The following ZNF804A variants were observed in gnomAD, a reference collection of about 807,000 sequenced individuals.
ZNF804A encodes zinc finger protein 804A.
A neutral mutation model predicts 16.5 loss-of-function variants in ZNF804A; 2 were observed. The observed-to-expected ratio is 0.12, with a 90% CI of 0.05 to 0.38. The LOEUF (loss-of-function observed/expected upper bound fraction) is 0.38. Among genes scored for constraint, ZNF804A ranks in the 10% least tolerant of loss-of-function variants. The probability of loss-of-function intolerance (pLI) is 0.99; values close to 1 mark genes in which losing one functional copy is unlikely to be tolerated. For synonymous variants in ZNF804A, 534 were observed against 489.6 expected (o/e 1.09, Z -1.20); for missense variants, 1,473 against 1,390.7 (o/e 1.06, Z -0.94).
chr2:184,861,767 T>C (rs1011294264), intron 1 of ZNF804A, among the ~76,000 whole-genome samples: 1 of 152,186 alleles, frequency 6.6e-6, no homozygotes, highest in Non-Finnish European at 1.5e-5. Flanking sequence ...TTTGGTGCTA[T>C]TCATATTTTA....
In ZNF804A at chr2:184,748,070, C is replaced by A. The variant is rs560612342; in HGVS notation, c.112-118299C>A. Among the ~76,000 whole-genome samples the A allele has an allele frequency of 6.0e-5, 9 of 150,366 alleles. No individual in the cohort carries two copies. In the East Asian group the frequency reaches 1.7e-3, roughly 29 times the overall value. Reference sequence around the variant, plus strand: ...CACTTTGGTTGATTCCATGTCTTTGCTATTGTAAATAGCATCGTGATGCAT... The same window carrying A: ...CACTTTGGTTGATTCCATGTCTTTGATATTGTAAATAGCATCGTGATGCAT... On this transcript the variant is annotated intron_variant, in intron 1 of 3. Transcript: ENST00000302277.
At chr2:184,787,906 T>G (rs1483359456) in intron 1 of ZNF804A, among the ~76,000 whole-genome samples, 1 of 151,920 alleles carries the variant, frequency 6.6e-6, no homozygotes, top group Non-Finnish European at 1.5e-5. Flanking sequence ...TTGTCATAAA[T>G]TATTTGCCTA....
chr2:184,707,123 A>T (rs1693043712), intron 1 of ZNF804A, among the ~76,000 whole-genome samples: 1 of 152,172 alleles, frequency 6.6e-6, no homozygotes, highest in South Asian at 2.1e-4. Context: ...TGCAGATCCA[A>T]ATATAGTATG....
intron 1 of ZNF804A, among the ~76,000 whole-genome samples, chr2:184,739,496 C>A (rs141180939): frequency 2.0e-5 from 3 of 152,092 alleles, no homozygotes; most frequent in Non-Finnish European, 2.9e-5. Flanking sequence ...TGGGTTCAAG[C>A]GATTGTTGTG....
At chr2:184,617,951 A>G (rs1373685095) in intron 1 of ZNF804A, among the ~76,000 whole-genome samples, 1 of 151,986 alleles carries the variant, frequency 6.6e-6, no homozygotes, top group Non-Finnish European at 1.5e-5. Flanking sequence ...TAGTGTTTAG[A>G]GGTTACATCT....
chr2:184,848,283 G>C (rs1156525238), intron 1 of ZNF804A, among the ~76,000 whole-genome samples: 1 of 151,948 alleles, frequency 6.6e-6, no homozygotes, highest in East Asian at 1.9e-4. Context: ...AGGAACAAGG[G>C]ATAAAGCCCA....
chr2:184,887,950 A>G (rs944287374), intron 2 of ZNF804A, among the ~76,000 whole-genome samples: 19 of 152,136 alleles, frequency 1.2e-4, no homozygotes, highest in Admixed American at 1.2e-3. Flanking sequence ...AGAGGGAAAA[A>G]ACAGACACCA....
intron 1 of ZNF804A, among the ~76,000 whole-genome samples, chr2:184,835,405 A>G (rs1280568422): frequency 6.6e-6 from 1 of 152,128 alleles, no homozygotes; most frequent in Non-Finnish European, 1.5e-5. Flanking sequence ...AAGGATGGTA[A>G]CTTCTGGGTA....
chr2:184,895,014 T>A (rs1685044132), intron 2 of ZNF804A, among the ~76,000 whole-genome samples: 1 of 152,190 alleles, frequency 6.6e-6, no homozygotes, highest in African/African-American at 2.4e-5. Flanking sequence ...ATTTACTGTA[T>A]CTATTTCCTT....
intron 1 of ZNF804A, among the ~76,000 whole-genome samples, chr2:184,842,804 G>T (rs1695457901): frequency 6.6e-6 from 1 of 152,104 alleles, no homozygotes; most frequent in African/African-American, 2.4e-5. Flanking sequence ...AACACCTCAA[G>T]ATCAGTTTCA....
chr2:184,657,334 T>C (rs962781877), intron 1 of ZNF804A, among the ~76,000 whole-genome samples: 3 of 152,166 alleles, frequency 2.0e-5, no homozygotes, highest in Non-Finnish European at 2.9e-5. Flanking sequence ...TGATCCATTC[T>C]GTTTGGCCAC....
intron 1 of ZNF804A, among the ~76,000 whole-genome samples, chr2:184,843,522 C>T (rs1574237435): frequency 6.6e-6 from 1 of 152,108 alleles, no homozygotes; most frequent in Non-Finnish European, 1.5e-5. Context: ...GATCCACCCA[C>T]CTCAGCCTCC....
chr2:184,797,961 T>C (rs768901072), intron 1 of ZNF804A, among the ~76,000 whole-genome samples: 1 of 152,006 alleles, frequency 6.6e-6, no homozygotes, highest in Non-Finnish European at 1.5e-5. Context: ...CTTTCTTTCA[T>C]ATATAATGCT....
chr2:184,761,285 A>T (rs991601673), intron 1 of ZNF804A, among the ~76,000 whole-genome samples: 3 of 152,124 alleles, frequency 2.0e-5, no homozygotes, highest in African/African-American at 7.2e-5. Context: ...TTGCATTTTT[A>T]AAAATGTAGT....
intron 1 of ZNF804A, among the ~76,000 whole-genome samples, chr2:184,618,277 A>G (rs1273426839): frequency 6.6e-6 from 1 of 152,122 alleles, no homozygotes; most frequent in African/African-American, 2.4e-5. Context: ...TGGATACTTA[A>G]TTAAAATTGG....
intron 1 of ZNF804A, among the ~76,000 whole-genome samples, chr2:184,763,586 C>T (rs1694072704): frequency 1.4e-5 from 2 of 145,426 alleles, no homozygotes; most frequent in East Asian, 4.1e-4. Flanking sequence ...TATTAAGGTG[C>T]CCATCTACCA....
At chr2:184,617,786 A>G (rs761054787) in intron 1 of ZNF804A, among the ~76,000 whole-genome samples, 1 of 151,652 alleles carries the variant, frequency 6.6e-6, no homozygotes, top group Non-Finnish European at 1.5e-5. Flanking sequence ...TCAAATCATT[A>G]AAATAAATCA....
chr2:184,886,562 G>T (rs1319599564), intron 2 of ZNF804A, among the ~76,000 whole-genome samples: 1 of 152,190 alleles, frequency 6.6e-6, no homozygotes, highest in African/African-American at 2.4e-5. Context: ...TGAGGGCCCT[G>T]CCCCTGTGGC....
intron 1 of ZNF804A, among the ~76,000 whole-genome samples, chr2:184,852,229 T>C (rs868780411): frequency 1.9e-4 from 25 of 134,752 alleles, no homozygotes; most frequent in South Asian, 9.4e-4. Context: ...TGCGGTCTCT[T>C]TCTCTCTCTC....
Sources: allele counts gnomAD v4.1 joint callset (sites outside exome capture counted in the v4.1 genomes callset), GRCh38; gene constraint gnomAD v4.1.1; transcripts MANE v1.5; gene names NCBI Gene and HGNC (gene_info 2026-07-23, HGNC 2026-07-21).